The following TAFA2 variants were observed in gnomAD, a reference collection of about 807,000 sequenced individuals.
The protein encoded by TAFA2 is TAFA chemokine like family member 2, also known as chemokine-like protein TAFA-2.
In TAFA2, 7 loss-of-function variants were observed where a neutral mutation model predicts 18.8. The observed-to-expected ratio is 0.37, with a 90% confidence interval of 0.21 to 0.70. The LOEUF (loss-of-function observed/expected upper bound fraction) is 0.70. TAFA2 is among the 30% of genes least tolerant of loss of function. The probability of loss-of-function intolerance (pLI) is 0.53; values close to 1 mark genes in which losing one functional copy is unlikely to be tolerated. For missense variants in TAFA2, 122 were observed against 158.1 expected (o/e 0.77, Z 1.23); for synonymous variants, 60 against 54.2 (o/e 1.11, Z -0.47).
intron 1 of TAFA2, among the ~76,000 whole-genome samples, chr12:62,047,843 A>C (rs1448036520): frequency 6.6e-6 from 1 of 152,192 alleles, no homozygotes; most frequent in Non-Finnish European, 1.5e-5. Flanking sequence ...ATGGAGGTTA[A>C]AAAGGAGAAT....
chr12:61,813,905 T>C (rs1276570012), intron 2 of TAFA2, among the ~76,000 whole-genome samples: 1 of 151,446 alleles, frequency 6.6e-6, no homozygotes, highest in Non-Finnish European at 1.5e-5. Flanking sequence ...ACACTCTCAA[T>C]AGGAGTTACT....
intron 1 of TAFA2, among the ~76,000 whole-genome samples, chr12:62,141,484 CCTT>C (rs1251808056): frequency 6.6e-6 from 1 of 152,144 alleles, no homozygotes; most frequent in East Asian, 1.9e-4. Context: ...GTCTCTGTTC[CCTT>C]CTTTGAGGAT....
At chr12:62,099,891 A>C (rs966965646) in intron 1 of TAFA2, among the ~76,000 whole-genome samples, 3 of 152,198 alleles carry the variant, frequency 2.0e-5, no homozygotes, top group African/African-American at 7.2e-5. Flanking sequence ...ACTCTGAGTC[A>C]GAAAAATTTT....
chr12:62,213,269 C>G (rs61919220), intron 1 of TAFA2, among the ~76,000 whole-genome samples: 2,619 of 152,286 alleles, frequency 0.017, 27 homozygotes, highest in Middle Eastern at 0.034. Context: ...TAGGTGTACT[C>G]TGTTTATGGA....
At chr12:62,076,871 C>T (rs1033481946) in intron 1 of TAFA2, among the ~76,000 whole-genome samples, 1 of 152,148 alleles carries the variant, frequency 6.6e-6, no homozygotes, top group South Asian at 2.1e-4. Flanking sequence ...CTGCTCAGAG[C>T]AGCATCAAAG....
intron 1 of TAFA2, among the ~76,000 whole-genome samples, chr12:61,920,766 C>G (rs1003301800): frequency 3.3e-5 from 5 of 151,964 alleles, no homozygotes; most frequent in Admixed American, 6.6e-5. Flanking sequence ...AATTCCTCCC[C>G]TATGCTACAT....
intron 1 of TAFA2, among the ~76,000 whole-genome samples, chr12:61,934,166 A>T (rs1592497423): frequency 1.3e-5 from 2 of 152,196 alleles, no homozygotes; most frequent in East Asian, 3.9e-4. Context: ...ATACAAACTC[A>T]CTATCCTGAA....
chr12:61,854,591 G>T (rs183451040), intron 2 of TAFA2, among the ~76,000 whole-genome samples: 1 of 149,510 alleles, frequency 6.7e-6, no homozygotes, highest in African/African-American at 2.4e-5. Flanking sequence ...AGGGAGGAGG[G>T]AAAAAGGTCA....
At chr12:61,885,209 G>T (rs73308292) in intron 1 of TAFA2, among the ~76,000 whole-genome samples, 2,528 of 152,272 alleles carry the variant, frequency 0.017, 63 homozygotes, top group African/African-American at 0.057. Context: ...CCCATATCCA[G>T]GTCCTCTGAT....
intron 2 of TAFA2, among the ~76,000 whole-genome samples, chr12:61,784,632 AT>A (rs1431815501): frequency 6.6e-6 from 1 of 151,036 alleles, no homozygotes; most frequent in Non-Finnish European, 1.5e-5. Context: ...AAAGGTAGAA[AT>A]TTGTCATTAG....
In TAFA2 at chr12:62,108,759, A is replaced by G. The variant is rs532346774; in HGVS notation, c.-2+82500T>C. On this transcript the variant is annotated intron_variant, in intron 1 of 4. Coordinates refer to ENST00000416284, the MANE Select transcript of TAFA2 (RefSeq NM_178539.5). ...CCAGTGATGGTGAGTTTTTTTACAT[A>G]TGTTTTTTGGCCACATAAATGCCTT... Among the ~76,000 whole-genome samples, 72 of 152,102 alleles carry G rather than the reference A, an allele frequency of 4.7e-4. 1 individual carries two copies. Among genetic ancestry groups the G allele is most frequent in the African/African-American group, 1.5e-3 (63 of 41,490 alleles).
chr12:61,766,668 G>A (rs991165837), intron 2 of TAFA2, among the ~76,000 whole-genome samples: 3 of 152,188 alleles, frequency 2.0e-5, no homozygotes, highest in East Asian at 1.9e-4. Flanking sequence ...TCCAGCTTGA[G>A]ACACAGTTTG....
chr12:61,866,021 G>C (rs1874339350), intron 2 of TAFA2, among the ~76,000 whole-genome samples: 1 of 151,980 alleles, frequency 6.6e-6, no homozygotes, highest in South Asian at 2.1e-4. Context: ...GAGACCACAG[G>C]GAATGTCCTC....
At chr12:62,133,661 A>G (rs1211773580) in intron 1 of TAFA2, among the ~76,000 whole-genome samples, 1 of 152,034 alleles carries the variant, frequency 6.6e-6, no homozygotes, top group Non-Finnish European at 1.5e-5. Context: ...CCAAGGATAC[A>G]TGACTCAGGG....
chr12:61,972,881 G>A (rs1879298560), intron 1 of TAFA2, among the ~76,000 whole-genome samples: 1 of 151,558 alleles, frequency 6.6e-6, no homozygotes, highest in South Asian at 2.1e-4. Context: ...TCCATGATTA[G>A]AAAGCAGGTC....
At chr12:61,820,998 C>A (rs1240424390) in intron 2 of TAFA2, among the ~76,000 whole-genome samples, 1 of 151,908 alleles carries the variant, frequency 6.6e-6, no homozygotes, top group Non-Finnish European at 1.5e-5. Flanking sequence ...TGTACCTTCC[C>A]TAATTGTTGG....
At chr12:62,163,179 C>G (rs1383458275) in intron 1 of TAFA2, among the ~76,000 whole-genome samples, 1 of 151,996 alleles carries the variant, frequency 6.6e-6, no homozygotes, top group African/African-American at 2.4e-5. Context: ...CTACTTGTCT[C>G]TGAAAGGAGT....
intron 4 of TAFA2, among the ~76,000 whole-genome samples, chr12:61,746,334 A>G (rs1823212019): frequency 6.6e-6 from 1 of 152,194 alleles, no homozygotes; most frequent in Admixed American, 6.5e-5. Context: ...GCAATGTGGA[A>G]CTGTGAGTCA....
At chr12:61,773,914 C>A (rs1348791949) in intron 2 of TAFA2, among the ~76,000 whole-genome samples, 1 of 151,716 alleles carries the variant, frequency 6.6e-6, no homozygotes, top group African/African-American at 2.4e-5. Context: ...AGTTGACAGA[C>A]AACCCACAGA....
Sources: gnomAD v4.1 joint callset for allele counts (sites outside exome capture counted in the v4.1 genomes callset) on GRCh38, gnomAD v4.1.1 for gene constraint, MANE v1.5 for transcripts, NCBI Gene and HGNC (gene_info 2026-07-23, HGNC 2026-07-21) for gene names.